The following FBF1 variants were observed in gnomAD, a reference collection of about 807,000 sequenced individuals.
FBF1 encodes fas-binding factor 1.
Under a neutral mutation model 147.2 loss-of-function variants are expected in FBF1, and 119 were observed. The observed-to-expected ratio is 0.81, with a 90% confidence interval of 0.70 to 0.94. The LOEUF (loss-of-function observed/expected upper bound fraction) is 0.94, where lower values mean the gene tolerates loss of function less well. Among genes scored for constraint, FBF1 ranks in the 40% least tolerant of loss-of-function variants. The pLI is 0.00. For synonymous variants in FBF1, 601 were observed against 609.0 expected (o/e 0.99, Z 0.19); for missense variants, 1,449 against 1,500.8 (o/e 0.97, Z 0.57).
chr17:75,912,923 G>T (rs546540081), intron 28 of FBF1, among the ~76,000 whole-genome samples: 35 of 151,920 alleles, frequency 2.3e-4, no homozygotes, highest in African/African-American at 7.7e-4. Flanking sequence ...GCCTGTAATC[G>T]CAGCTACTTG....
At chr17:75,921,139 C>T (rs2065523517) in intron 17 of FBF1, 105 bp downstream of exon 17, 1 of 1,205,082 alleles carries the variant, frequency 8.3e-7, no homozygotes, top group Admixed American at 2.1e-5. Flanking sequence ...GTATGTTTGA[C>T]ACATTTTTCC....
rs1329149161 is a variant in FBF1 at position 75,923,661 on chromosome 17, G to A, written c.969-20C>T. The A allele has an allele frequency of 1.9e-6, 3 of 1,561,588 alleles. No homozygotes were observed. In the South Asian group the frequency reaches 3.6e-5, roughly 19 times the overall value. On this transcript the variant is annotated intron_variant, in intron 13 of 29. Transcript: ENST00000636174. This position sits in a 1 kb window ranked among gnomAD's most constrained non-coding sequence, Gnocchi z 4.1. ...AACCTACTTCAAGACAGAAAGGAGG[G>A]TGTCAGGCAGGGGAAACAGCCAGTC...
chr17:75,912,389 T>TC (rs367786332), intron 28 of FBF1, 82 bp from the exon 29 acceptor site: 5 of 1,071,468 alleles, frequency 4.7e-6, no homozygotes, highest in Admixed American at 2.8e-5. Flanking sequence ...GCAGAGCTGC[T>TC]CCCCCCGCCA....
Position 75,921,505 on chromosome 17 carries a change from T to C in FBF1, c.1582A>G (p.Arg528Gly). ...ASALPTGSPK[R>G]GTAPGDLSAT... ...GAGAGGTCTCCAGGGGCTGTTCCCC[T>C]CTTTGGGGAACCTGTAGGGAGTGCT... The change falls in exon 16 of 30, where the codon AGG becomes GGG. Residue 528 changes from arginine (R) to glycine (G), a missense_variant. Coordinates refer to ENST00000636174, the MANE Select transcript of FBF1 (RefSeq NM_001319193.2). The C allele has an allele frequency of 2.5e-6, 4 of 1,613,122 alleles. No homozygotes were observed. The highest frequency in any genetic ancestry group is 3.4e-6 in the Non-Finnish European group (4 of 1,179,606).
intron 29 of FBF1, among the ~76,000 whole-genome samples, chr17:75,911,819 T>TA (rs2065458317): frequency 6.6e-6 from 1 of 152,154 alleles, no homozygotes; most frequent in African/African-American, 2.4e-5. Context: ...CCTCTTTTTT[T>TA]AGTTTTTCAT....
intron 17 of FBF1, 39 bp downstream of exon 17, chr17:75,921,205 C>T (rs1193160198): frequency 1.3e-6 from 2 of 1,556,540 alleles, no homozygotes; most frequent in South Asian, 2.4e-5. Flanking sequence ...AGAATTGCTC[C>T]CTAGGCCCTG....
At chr17:75,914,455 A>C in intron 25 of FBF1, 157 bp from the exon 26 acceptor site, 1 of 1,181,098 alleles carries the variant, frequency 8.5e-7, no homozygotes, top group East Asian at 2.6e-5. Context: ...GCCAAGCCGG[A>C]GTGCTGCCCT....
chr17:75,911,096 G>A (rs2065454341), intron 29 of FBF1, among the ~76,000 whole-genome samples: 1 of 152,070 alleles, frequency 6.6e-6, no homozygotes, highest in Non-Finnish European at 1.5e-5. Flanking sequence ...GCCCTTCCTT[G>A]CAGGGCTGTG....
intron 4 of FBF1, among the ~76,000 whole-genome samples, chr17:75,934,676 C>T (rs1233074806): frequency 2.6e-5 from 4 of 151,608 alleles, no homozygotes; most frequent in South Asian, 2.1e-4. Context: ...GTTGGGAGTT[C>T]GAGACCAGAC....
chr17:75,919,658 T>C lies in FBF1; in HGVS notation c.2138+10A>G, dbSNP rs1395570784. On this transcript the variant is annotated intron_variant, in intron 20 of 29. Transcript: ENST00000636174. The surrounding 1 kb of genome is among the most constrained non-coding windows in gnomAD (Gnocchi z 5.0). ...AGCCTGCTCCCCAGCTGCCTGTCCC[T>C]GGGCCTCACCGCTGCAGCTCCCGGA... 1.3e-6 allele frequency: 2 copies of C among 1,587,692 alleles called. No homozygotes were observed. The highest frequency in any genetic ancestry group is 2.3e-5 in the East Asian group (1 of 43,596).
intron 23 of FBF1, among the ~76,000 whole-genome samples, chr17:75,915,627 C>T (rs2065484051): frequency 6.6e-6 from 1 of 152,236 alleles, no homozygotes; most frequent in South Asian, 2.1e-4. Flanking sequence ...AAAAGCATCT[C>T]TATCTACGTT....
intron 1 of FBF1, among the ~76,000 whole-genome samples, chr17:75,938,927 T>C (rs1223475528): frequency 6.6e-6 from 1 of 151,976 alleles, no homozygotes; most frequent in African/African-American, 2.4e-5. Context: ...TTCTCTCACT[T>C]TGCCCATTCA....
chr17:75,914,848 A>G lies in FBF1; in HGVS notation c.2713T>C (p.Ser905Pro). Reference sequence around the variant, plus strand: ...TCCTTACTCAGCTTTTGCTGCGCGGAGAACTCCGCCCACTCGGCAGCCAGG... The same window carrying G: ...TCCTTACTCAGCTTTTGCTGCGCGGGGAACTCCGCCCACTCGGCAGCCAGG... ...RRLAAEWAEF[S>P]AQQKLSKERA... The change falls in exon 25 of 30, where the codon TCC (serine) becomes CCC (proline). Residue 905 changes from serine to proline, a missense_variant. Ser to Pro is a moderately conservative substitution (Grantham distance 74). Coordinates refer to ENST00000636174, the MANE Select transcript of FBF1 (RefSeq NM_001319193.2). 1.3e-6 allele frequency: 2 copies of G among 1,589,794 alleles called. No homozygotes were observed. Among genetic ancestry groups the G allele is most frequent in the Non-Finnish European group, 1.7e-6 (2 of 1,168,374 alleles).
intron 15 of FBF1, 125 bp downstream of exon 15, chr17:75,921,820 C>A (rs1032237470): frequency 3.4e-5 from 30 of 888,166 alleles, no homozygotes; most frequent in East Asian, 2.6e-4. Flanking sequence ...GGGTGGGCAG[C>A]CTCTGTGTGG....
chr17:75,910,678 T>G lies in FBF1; in HGVS notation c.*45A>C. 6.5e-7 allele frequency: 1 copy of G among 1,549,418 alleles called. No individual in the cohort carries two copies. The highest frequency in any genetic ancestry group is 8.8e-7 in the Non-Finnish European group (1 of 1,137,238). ...GGAGGCAGCCGGAGGAACAGGACAG[T>G]TCTGGGGTCCGAACCCTCTGTTGGG... On this transcript the variant is annotated 3_prime_UTR_variant, in exon 30 of 30. Transcript: ENST00000636174. The surrounding 1 kb of genome is among the most constrained non-coding windows in gnomAD (Gnocchi z 4.1).
At chr17:75,940,086 C>T (rs1391751128) in intron 1 of FBF1, among the ~76,000 whole-genome samples, 1 of 151,946 alleles carries the variant, frequency 6.6e-6, no homozygotes, top group Non-Finnish European at 1.5e-5. Flanking sequence ...GCTGGGAATA[C>T]AGGCACATGC....
intron 10 of FBF1, 64 bp downstream of exon 10, chr17:75,926,694 G>C: frequency 6.4e-7 from 1 of 1,561,384 alleles, no homozygotes; most frequent in Non-Finnish European, 8.7e-7. Flanking sequence ...CACCAGAAAG[G>C]CTGGTTAGCT....
At position 75,927,458 on chromosome 17, in the gene FBF1, C is replaced by T; in HGVS notation, c.472G>A (p.Glu158Lys). The T allele has an allele frequency of 6.3e-7, 1 of 1,589,272 alleles. No individual in the cohort carries two copies. Among genetic ancestry groups the T allele is most frequent in the South Asian group, 1.2e-5 (1 of 86,752 alleles). ...GCATGACAGGAGCCTATGGTACCTT[C>T]AGAGGAAAACCTCCTGTTCTGATGC... ...SGHQNRRFSSEDLEDPLRGLL... is the reference protein window; with the variant it reads ...SGHQNRRFSSKDLEDPLRGLL... The change falls in exon 9 of 30, where the codon GAA (glutamate) becomes AAA (lysine). Residue 158 changes from glutamate (E) to lysine (K), a missense_variant. Transcript: ENST00000636174.
In FBF1 at chr17:75,910,812, AG is replaced by A. The variant is rs762211911; in HGVS notation, c.3364-7del. The A allele has an allele frequency of 1.0e-5, 16 of 1,605,850 alleles. No individual in the cohort carries two copies. The East Asian group carries it at 3.4e-4, about 34-fold the overall frequency. On this transcript the variant is annotated splice_region_variant and splice_polypyrimidine_tract_variant and intron_variant, in intron 29 of 29. Transcript: ENST00000636174. This position sits in a 1 kb window ranked among gnomAD's most constrained non-coding sequence, Gnocchi z 4.1. Reference sequence around the variant, plus strand: ...TTCTCCAAGAAGTCACGGTCCTGCAAGGCAGGTTTGGATGGGCGGTCACCTT... The same window carrying A: ...TTCTCCAAGAAGTCACGGTCCTGCAAGCAGGTTTGGATGGGCGGTCACCTT...
Sources: gnomAD v4.1 joint callset for allele counts (sites outside exome capture counted in the v4.1 genomes callset) on GRCh38, gnomAD v4.1.1 for gene constraint, Gnocchi (gnomAD v3.1) non-coding constraint, MANE v1.5 for transcripts, NCBI Gene and HGNC (gene_info 2026-07-23, HGNC 2026-07-21) for gene names.